The following ADCY3 variants were observed in gnomAD, a reference collection of about 807,000 sequenced individuals.
ADCY3 encodes the protein adenylate cyclase 3.
In ADCY3, 70 loss-of-function variants were observed where a neutral mutation model predicts 119.4. That is an observed-to-expected ratio of 0.59 (90% CI 0.48 to 0.72). ADCY3 has a LOEUF of 0.72. Among genes scored for constraint, ADCY3 ranks in the 30% least tolerant of loss-of-function variants. ADCY3 has a pLI of 0.00. For synonymous variants in ADCY3, 672 were observed against 621.4 expected (o/e 1.08, Z -1.21); for missense variants, 1,238 against 1,541.6 (o/e 0.80, Z 3.30).
chr2:24,894,291 T>C (rs1223589430), intron 2 of ADCY3, among the ~76,000 whole-genome samples: 1 of 152,214 alleles, frequency 6.6e-6, no homozygotes. Context: ...AAGACCAGCC[T>C]GGGCAACGTG....
chr2:24,911,784 A>G (rs1663716851), intron 2 of ADCY3, among the ~76,000 whole-genome samples: 1 of 150,564 alleles, frequency 6.6e-6, no homozygotes, highest in African/African-American at 2.5e-5. Flanking sequence ...CCTGGCCTCA[A>G]GTGATATTCC....
chr2:24,834,604 C>T lies in ADCY3; in HGVS notation c.1848G>A (p.Met616Ile). ...AGTAGCGGGTTTCCATCTCGGGGTC[C>T]ATGAACCGCATGGACAAGAGGAAGG... ...RNTFLLSMRFMDPEMETRYSV... is the reference protein window; with the variant it reads ...RNTFLLSMRFIDPEMETRYSV... Residue 616 changes from methionine (M) to isoleucine (I), a missense_variant, in exon 11 of 22, where the codon ATG becomes ATA. By Grantham distance (10) the Met-to-Ile change is conservative. Transcript: ENST00000679454. The surrounding 1 kb of genome is among the most constrained non-coding windows in gnomAD (Gnocchi z 4.2). The T allele has an allele frequency of 6.2e-7, 1 of 1,614,124 alleles. No individual in the cohort carries two copies. Among genetic ancestry groups the T allele is most frequent in the Non-Finnish European group, 8.5e-7 (1 of 1,180,032 alleles).
chr2:24,858,596 A>G lies in ADCY3; in HGVS notation c.825+13974T>C, dbSNP rs139165706. Among the ~76,000 whole-genome samples, 69 of 152,396 alleles carry G rather than the reference A, an allele frequency of 4.5e-4. 1 individual carries two copies. Among genetic ancestry groups the G allele is most frequent in the Middle Eastern group, 3.4e-3 (1 of 294 alleles). On this transcript the variant is annotated intron_variant, in intron 3 of 21. Coordinates refer to ENST00000679454, the MANE Select transcript of ADCY3 (RefSeq NM_004036.5). ...CAATAAAACTACACTCATTACTAAC[A>G]AAACTTCATTCTTACAGCCAGATAA...
At chr2:24,873,852 T>C (rs559493566) in intron 2 of ADCY3, among the ~76,000 whole-genome samples, 37 of 152,336 alleles carry the variant, frequency 2.4e-4, no homozygotes, top group African/African-American at 8.9e-4. Flanking sequence ...CTAGGTGTGG[T>C]TTCTCGGAAC....
At position 24,819,310 on chromosome 2, in the gene ADCY3, A is replaced by C. The variant is rs2148306939; in HGVS notation, c.*622T>G. 6.5e-6 allele frequency: 1 copy of C among 152,760 alleles called. No individual in the cohort carries two copies. The highest frequency in any genetic ancestry group is 1.5e-5 in the Non-Finnish European group (1 of 68,036). 9.5% of individuals were successfully genotyped at this position (152,760 alleles called of 1,614,324 possible). ...CGGAAAGTGTATTTAACAGAAGATT[A>C]AAAATATAAATGTAGAAGATCTGTT... On this transcript the variant is annotated 3_prime_UTR_variant, in exon 22 of 22. Coordinates refer to ENST00000679454, the MANE Select transcript of ADCY3 (RefSeq NM_004036.5).
chr2:24,845,794 CCT>C, intron 3 of ADCY3, among the ~76,000 whole-genome samples: 1 of 152,334 alleles, frequency 6.6e-6, no homozygotes, highest in Non-Finnish European at 1.5e-5. Flanking sequence ...CACCACAGGC[CCT>C]GAGGTGTAAG....
intron 3 of ADCY3, among the ~76,000 whole-genome samples, chr2:24,848,123 T>C (rs62140608): frequency 0.2 from 29,731 of 152,148 alleles, 3,451 homozygotes; most frequent in Middle Eastern, 0.29. Flanking sequence ...ATAAACAAAA[T>C]CTCTGCAGCA....
At chr2:24,837,171 T>G (rs1230814609) in intron 8 of ADCY3, 126 bp from the exon 9 acceptor site, 18 of 1,147,164 alleles carry the variant, frequency 1.6e-5, no homozygotes, top group Non-Finnish European at 2.2e-5. Flanking sequence ...AGAACTTGCT[T>G]GTGGATTGCA....
At chr2:24,837,112 G>A in intron 8 of ADCY3, 67 bp from the exon 9 acceptor site, 2 of 1,561,366 alleles carry the variant, frequency 1.3e-6, no homozygotes, top group South Asian at 1.2e-5. Context: ...AGGTCTGGAA[G>A]TGACAAGGGC....
Position 24,899,945 on chromosome 2 carries a change from G to T in ADCY3, c.675+18368C>A. ...TACAATAGTGCTTCATAATATAGAA[G>T]AAAACTGATATTCGTTTAAGAGAAG... On this transcript the variant is annotated intron_variant, in intron 2 of 21. Coordinates refer to ENST00000679454, the MANE Select transcript of ADCY3 (RefSeq NM_004036.5). This position sits in a 1 kb window ranked among gnomAD's most constrained non-coding sequence, Gnocchi z 4.5. 6.6e-6 allele frequency among the ~76,000 whole-genome samples: 1 copy of T among 152,036 alleles called. No individual in the cohort carries two copies. The highest frequency in any genetic ancestry group is 1.5e-5 in the Non-Finnish European group (1 of 68,000).
chr2:24,917,783 C>T (rs1159751784), intron 2 of ADCY3, among the ~76,000 whole-genome samples: 4 of 152,202 alleles, frequency 2.6e-5, no homozygotes, highest in Admixed American at 1.3e-4. Context: ...ATGACAACTG[C>T]GTCTTCCCTC....
Position 24,878,705 on chromosome 2 carries a change from A to G in ADCY3, c.676-5986T>C, listed in dbSNP as rs1195489371. ...TTCTCCCACCCAAGGAGGCCCAGCC[A>G]GAGCCTGTGAGGCCGCCACTCAGCA... On this transcript the variant is annotated intron_variant, in intron 2 of 21. Coordinates refer to ENST00000679454, the MANE Select transcript of ADCY3 (RefSeq NM_004036.5). This position sits in a 1 kb window ranked among gnomAD's most constrained non-coding sequence, Gnocchi z 4.0. Among the ~76,000 whole-genome samples, 1 of 152,182 alleles carries G rather than the reference A, an allele frequency of 6.6e-6. No homozygotes were observed. The highest frequency in any genetic ancestry group is 1.5e-5 in the Non-Finnish European group (1 of 68,026).
In ADCY3 at chr2:24,834,411, A is replaced by C; in HGVS notation, c.1967+74T>G. 1.6e-6 allele frequency: 2 copies of C among 1,237,210 alleles called. No individual in the cohort carries two copies. Among genetic ancestry groups the C allele is most frequent in the Non-Finnish European group, 2.3e-6 (2 of 885,538 alleles). The allele number at this position is 1,237,210 out of a possible 1,614,324, so 76.6% of individuals were successfully genotyped here. A position where few individuals can be genotyped will look rare whatever the true frequency, so the allele number is the denominator to read the frequency against. ...TCCCCAATGTCAGGCTCCCGCTGAG[A>C]CACCTGCCCCCGCCCCCCGCCCGGC... On this transcript the variant is annotated intron_variant, in intron 11 of 21. Coordinates refer to ENST00000679454, the MANE Select transcript of ADCY3 (RefSeq NM_004036.5). The surrounding 1 kb of genome is among the most constrained non-coding windows in gnomAD (Gnocchi z 4.2).
At position 24,919,390 on chromosome 2, in the gene ADCY3, T is replaced by C. The variant is rs537208317; in HGVS notation, c.-197-206A>G. On this transcript the variant is annotated intron_variant, in intron 1 of 21. Transcript: ENST00000679454. This position sits in a 1 kb window ranked among gnomAD's most constrained non-coding sequence, Gnocchi z 5.5. ...GACACTCAATTTCCTGTCCCTGGCTTGTGGAAGGGCCTAGCCGCCTTTCCA... is the reference window on the plus strand; with the variant it reads ...GACACTCAATTTCCTGTCCCTGGCTCGTGGAAGGGCCTAGCCGCCTTTCCA... 1 of 181,818 alleles carries C rather than the reference T, an allele frequency of 5.5e-6. No homozygotes were observed. Among genetic ancestry groups the C allele is most frequent in the East Asian group, 1.5e-4 (1 of 6,606 alleles). 11.3% of individuals were successfully genotyped at this position (181,818 alleles called of 1,614,324 possible). A position where few individuals can be genotyped will look rare whatever the true frequency, so the allele number is the denominator to read the frequency against.
At chr2:24,917,238 C>T (rs1267488165) in intron 2 of ADCY3, among the ~76,000 whole-genome samples, 1 of 152,246 alleles carries the variant, frequency 6.6e-6, no homozygotes, top group African/African-American at 2.4e-5. Flanking sequence ...GCACGCCCTG[C>T]CTCTCCTGAC....
intron 16 of ADCY3, among the ~76,000 whole-genome samples, chr2:24,825,315 T>C: frequency 8.5e-6 from 1 of 117,002 alleles, no homozygotes; most frequent in African/African-American, 4.0e-5. Context: ...TTTTGTCCGG[T>C]TGAGTGCGGT....
chr2:24,819,864 G>T lies in ADCY3; in HGVS notation c.*68C>A. ...GTGTGCACTTCAATCCAGGAAGGTC[G>T]GGACTTCCTTCAGTTTCAAAAAATA... On this transcript the variant is annotated 3_prime_UTR_variant, in exon 22 of 22. Coordinates refer to ENST00000679454, the MANE Select transcript of ADCY3 (RefSeq NM_004036.5). 2 of 1,524,376 alleles carry T rather than the reference G, an allele frequency of 1.3e-6. No individual in the cohort carries two copies. The highest frequency in any genetic ancestry group is 2.3e-5 in the East Asian group (1 of 42,996). The allele number at this position is 1,524,376 out of a possible 1,614,324, so 94.4% of individuals were successfully genotyped here.
intron 3 of ADCY3, among the ~76,000 whole-genome samples, chr2:24,854,395 C>T (rs1409487201): frequency 6.6e-6 from 1 of 152,202 alleles, no homozygotes; most frequent in East Asian, 1.9e-4. Context: ...GCTGCAAAGG[C>T]CCCCATGCCC....
rs570548484 is a variant in ADCY3 at position 24,913,913 on chromosome 2, G to T, written c.675+4400C>A. Among the ~76,000 whole-genome samples the T allele has an allele frequency of 2.6e-5, 4 of 152,282 alleles. No homozygotes were observed. In the East Asian group the frequency reaches 7.7e-4, roughly 29 times the overall value. On this transcript the variant is annotated intron_variant, in intron 2 of 21. Transcript: ENST00000679454. Reference sequence around the variant, plus strand: ...AAGTAAGGGTACAAAATATTTGTCAGCAGTTCCTAGTCCCTACTTTGCCAA... The same window carrying T: ...AAGTAAGGGTACAAAATATTTGTCATCAGTTCCTAGTCCCTACTTTGCCAA...
Sources: gnomAD v4.1 joint callset for allele counts (sites outside exome capture counted in the v4.1 genomes callset) on GRCh38, gnomAD v4.1.1 for gene constraint, Gnocchi (gnomAD v3.1) non-coding constraint, MANE v1.5 for transcripts, NCBI Gene and HGNC (gene_info 2026-07-23, HGNC 2026-07-21) for gene names.